Variants in ACTL8 observed in about 807,000 individuals in gnomAD.
ACTL8 encodes actin-like protein 8.
In ACTL8, 3 loss-of-function variants were observed where a neutral mutation model predicts 9.3. The observed-to-expected ratio is 0.32, with a 90% CI of 0.15 to 0.83. The LOEUF is 0.83. ACTL8 is among the 40% of genes least tolerant of loss of function. The pLI, the probability that ACTL8 is intolerant of heterozygous loss-of-function variation, is 0.57. For synonymous variants in ACTL8, 224 were observed against 205.9 expected, an observed-to-expected ratio of 1.09 and a Z score of -0.75; for missense variants, 381 against 492.2, an observed-to-expected ratio of 0.77 and a Z score of 2.14.
At chr1:17,778,211 G>C (rs1167865521) in intron 1 of ACTL8, among the ~76,000 whole-genome samples, 1 of 152,200 alleles carries the variant, frequency 6.6e-6, no homozygotes, top group Non-Finnish European at 1.5e-5. Context: ...GGCAGCTTTG[G>C]TAAACAGAAA....
chr1:17,760,310 G>A (rs2102672433), intron 1 of ACTL8, among the ~76,000 whole-genome samples: 1 of 152,282 alleles, frequency 6.6e-6, no homozygotes, highest in South Asian at 2.1e-4. Flanking sequence ...GAGGGGAGAT[G>A]CCAGTCTTCA....
At chr1:17,809,709 C>T (rs1357623533) in intron 1 of ACTL8, among the ~76,000 whole-genome samples, 6 of 151,458 alleles carry the variant, frequency 4.0e-5, no homozygotes, top group Non-Finnish European at 5.9e-5. Flanking sequence ...GATGATCTGT[C>T]GGTGTCTCCC....
At chr1:17,780,235 C>T (rs550192420) in intron 1 of ACTL8, among the ~76,000 whole-genome samples, 1 of 151,950 alleles carries the variant, frequency 6.6e-6, no homozygotes, top group South Asian at 2.1e-4. Context: ...AACAAAAAAC[C>T]CTCTGGTTTA....
intron 1 of ACTL8, among the ~76,000 whole-genome samples, chr1:17,758,501 G>A (rs1341874070): frequency 6.6e-6 from 1 of 152,160 alleles, no homozygotes; most frequent in East Asian, 1.9e-4. Context: ...AGAATCCCTG[G>A]GTGGCCGGGT....
At chr1:17,794,308 TC>T (rs2066262303) in intron 1 of ACTL8, among the ~76,000 whole-genome samples, 1 of 151,286 alleles carries the variant, frequency 6.6e-6, no homozygotes, top group Non-Finnish European at 1.5e-5. Context: ...TTACTTAACT[TC>T]CTTTTCCTCA....
chr1:17,783,154 C>G (rs1256253882), intron 1 of ACTL8, among the ~76,000 whole-genome samples: 1 of 152,136 alleles, frequency 6.6e-6, no homozygotes, highest in South Asian at 2.1e-4. Context: ...ATCATTCAGA[C>G]TGGCTCTTCT....
Position 17,826,354 on chromosome 1 carries a change from C to G in ACTL8, c.936C>G (p.Phe312Leu). Reference sequence around the variant, plus strand: ...ATCCCGGGTTCACAAAGCGCCTGTTCAGGGAGCTGATGGGGGATCACGTCT... The same window carrying G: ...ATCCCGGGTTCACAAAGCGCCTGTTGAGGGAGCTGATGGGGGATCACGTCT... ...TLYPGFTKRLFRELMGDHVSS... is the reference protein window; with the variant it reads ...TLYPGFTKRLLRELMGDHVSS... Residue 312 changes from phenylalanine to leucine, a missense_variant, in exon 3 of 3, where the codon TTC becomes TTG. Coordinates refer to ENST00000375406, the MANE Select transcript of ACTL8 (RefSeq NM_030812.3). This position sits in a 1 kb window ranked among gnomAD's most constrained non-coding sequence, Gnocchi z 4.5. 2.5e-6 allele frequency: 4 copies of G among 1,613,940 alleles called. No homozygotes were observed. The highest frequency in any genetic ancestry group is 4.5e-5 in the East Asian group (2 of 44,868).
At chr1:17,820,319 C>T (rs891220106) in intron 1 of ACTL8, among the ~76,000 whole-genome samples, 2 of 152,136 alleles carry the variant, frequency 1.3e-5, no homozygotes, top group Non-Finnish European at 1.5e-5. Flanking sequence ...TGCACATATT[C>T]ATGTTATGGG....
At chr1:17,760,726 G>T (rs1275432255) in intron 1 of ACTL8, among the ~76,000 whole-genome samples, 3 of 151,552 alleles carry the variant, frequency 2.0e-5, no homozygotes, top group Non-Finnish European at 4.4e-5. Flanking sequence ...TCCCTCAGAG[G>T]AGTGGGTGGA....
chr1:17,792,207 G>C (rs897591841), intron 1 of ACTL8, among the ~76,000 whole-genome samples: 1 of 152,184 alleles, frequency 6.6e-6, no homozygotes, highest in African/African-American at 2.4e-5. Flanking sequence ...GGCAAGTCTC[G>C]CTGCTCAGTA....
intron 1 of ACTL8, among the ~76,000 whole-genome samples, chr1:17,819,999 C>A (rs962721807): frequency 1.3e-5 from 2 of 151,776 alleles, no homozygotes; most frequent in African/African-American, 4.8e-5. Flanking sequence ...AGAGCGAGAT[C>A]CTGTCTCAAA....
intron 1 of ACTL8, among the ~76,000 whole-genome samples, chr1:17,784,205 C>A (rs969526735): frequency 6.6e-6 from 1 of 152,106 alleles, no homozygotes; most frequent in African/African-American, 2.4e-5. Flanking sequence ...ATCTTCTTAA[C>A]ATGGTGGAGT....
At chr1:17,811,521 G>C (rs990719293) in intron 1 of ACTL8, among the ~76,000 whole-genome samples, 2 of 152,220 alleles carry the variant, frequency 1.3e-5, no homozygotes, top group Admixed American at 1.3e-4. Flanking sequence ...AAGAAACTTA[G>C]ATGTTCTTAG....
intron 1 of ACTL8, among the ~76,000 whole-genome samples, chr1:17,820,879 A>G (rs955825110): frequency 6.6e-5 from 10 of 152,172 alleles, no homozygotes; most frequent in African/African-American, 2.4e-4. Context: ...ACCATTTTCC[A>G]AAGTGCTGGT....
At chr1:17,799,362 G>A (rs1397065214) in intron 1 of ACTL8, among the ~76,000 whole-genome samples, 1 of 152,134 alleles carries the variant, frequency 6.6e-6, no homozygotes, top group Admixed American at 6.5e-5. Context: ...GCTGATCAAT[G>A]TATGTTTGAA....
At chr1:17,802,583 G>A (rs547461157) in intron 1 of ACTL8, among the ~76,000 whole-genome samples, 1 of 152,214 alleles carries the variant, frequency 6.6e-6, no homozygotes, top group South Asian at 2.1e-4. Flanking sequence ...TGCCTGATTC[G>A]AGTCATATCC....
At chr1:17,820,591 G>A (rs1373036347) in intron 1 of ACTL8, among the ~76,000 whole-genome samples, 1 of 149,312 alleles carries the variant, frequency 6.7e-6, no homozygotes, top group Non-Finnish European at 1.5e-5. Context: ...TTTTGAGATG[G>A]AGTTTTGCTC....
At chr1:17,796,136 G>A (rs984601711) in intron 1 of ACTL8, among the ~76,000 whole-genome samples, 1 of 152,194 alleles carries the variant, frequency 6.6e-6, no homozygotes, top group Non-Finnish European at 1.5e-5. Context: ...TGGGGCAGCA[G>A]GTCCTGGGGA....
At chr1:17,802,452 T>TGTGTGTGTGTGTGTGTGTGTG (rs2066328445) in intron 1 of ACTL8, among the ~76,000 whole-genome samples, 3 of 147,540 alleles carry the variant, frequency 2.0e-5, no homozygotes, top group African/African-American at 7.5e-5. Flanking sequence ...TGTGTGTGTG[T>TGTGTGTGTGTGTGTGTGTGTG]TGGAGGGCAG....
Sources: allele counts gnomAD v4.1 joint callset (sites outside exome capture counted in the v4.1 genomes callset), GRCh38; gene constraint gnomAD v4.1.1; non-coding constraint Gnocchi (gnomAD v3.1); transcripts MANE v1.5; gene names NCBI Gene and HGNC (gene_info 2026-07-23, HGNC 2026-07-21).